MCCC1: variants seen among roughly 807,000 people sequenced by gnomAD.
The protein encoded by MCCC1 is methylcrotonyl-CoA carboxylase subunit 1.
Under a neutral mutation model 83.8 loss-of-function variants are expected in MCCC1, and 64 were observed. The observed-to-expected ratio is 0.76, with a 90% CI of 0.62 to 0.94. The LOEUF (loss-of-function observed/expected upper bound fraction) is 0.94, where lower values mean the gene tolerates loss of function less well. MCCC1 is among the 40% of genes least tolerant of loss of function. The pLI is 0.00. For missense variants in MCCC1, 807 were observed against 904.7 expected (o/e 0.89, Z 1.39); for synonymous variants, 322 against 315.4 (o/e 1.02, Z -0.22).
intron 7 of MCCC1, among the ~76,000 whole-genome samples, chr3:183,067,533 A>G (rs1489856003): frequency 1.3e-5 from 2 of 152,238 alleles, no homozygotes; most frequent in Non-Finnish European, 2.9e-5. Flanking sequence ...TTATGTTTCA[A>G]GAACTATGGC....
rs1290250309 is a variant in MCCC1, at chr3:183,084,349, G to GCC, written c.369+2343_369+2344insGG. Among the ~76,000 whole-genome samples the GCC allele has an allele frequency of 5.6e-4, 85 of 152,202 alleles. No individual in the cohort carries two copies. The East Asian group carries it at 0.014, about 26-fold the overall frequency. ...ATAAGATGAAGGTAATACTACCATG[G>GCC]CATTTATGCTTAAATACATGATAAA... On this transcript the variant is annotated intron_variant, in intron 4 of 18. Coordinates refer to ENST00000265594, the MANE Select transcript of MCCC1 (RefSeq NM_020166.5).
At chr3:183,101,629 A>C (rs942392932), upstream of MCCC1, among the ~76,000 whole-genome samples, 1 of 152,214 alleles carries the variant, frequency 6.6e-6, no homozygotes, top group Non-Finnish European at 1.5e-5. Context: ...GGGCTCTACC[A>C]ATCAGCAGGA....
intron 8 of MCCC1, among the ~76,000 whole-genome samples, chr3:183,054,204 TG>T (rs1162599800): frequency 6.9e-6 from 1 of 145,898 alleles, no homozygotes; most frequent in Non-Finnish European, 1.5e-5. Flanking sequence ...TTTTTTTTTT[TG>T]AGAGGAGTCT....
At chr3:183,037,501 C>A in intron 12 of MCCC1, 67 bp from the exon 13 acceptor site, 1 of 1,256,050 alleles carries the variant, frequency 8.0e-7, no homozygotes. Context: ...AAACCATCTG[C>A]TCTTTTTATC....
chr3:183,064,385 T>G lies in MCCC1; in HGVS notation c.761+6614A>C, dbSNP rs1370298925. ...GTAGACATCGACAAGTAGGAAAATT[T>G]GCGAGGTCCGAGAGGGACTGCAGGA... On this transcript the variant is annotated intron_variant, in intron 7 of 18. Transcript: ENST00000265594. The surrounding 1 kb of genome is among the most constrained non-coding windows in gnomAD (Gnocchi z 4.5). Among the ~76,000 whole-genome samples, 3 of 152,150 alleles carry G rather than the reference T, an allele frequency of 2.0e-5. No homozygotes were observed. The highest frequency in any genetic ancestry group is 1.3e-4 in the Admixed American group (2 of 15,282).
At chr3:183,080,928 T>TA (rs1717444101) in intron 4 of MCCC1, among the ~76,000 whole-genome samples, 1 of 152,136 alleles carries the variant, frequency 6.6e-6, no homozygotes, top group Admixed American at 6.5e-5. Context: ...AACAGCACAG[T>TA]AAAGACCCAT....
intron 14 of MCCC1, among the ~76,000 whole-genome samples, chr3:183,030,247 G>C: frequency 6.6e-6 from 1 of 152,158 alleles, no homozygotes; most frequent in East Asian, 1.9e-4. Context: ...GGCAGAAGTT[G>C]CAGTGAGCCG....
intron 1 of MCCC1, among the ~76,000 whole-genome samples, chr3:183,111,360 C>T (rs748645451): frequency 3.3e-5 from 5 of 151,980 alleles, no homozygotes; most frequent in Admixed American, 6.6e-5. Context: ...AATGCAGTGG[C>T]GCAATCTCAG....
intron 1 of MCCC1, 182 bp downstream of exon 1, chr3:183,099,170 T>C (rs1192360539): frequency 3.0e-6 from 2 of 663,070 alleles, no homozygotes; most frequent in African/African-American, 3.5e-5. Context: ...AGGGAAGGGC[T>C]GGTGGGGATG....
At chr3:183,113,689 G>C (rs1719538860) in intron 1 of MCCC1, among the ~76,000 whole-genome samples, 1 of 151,476 alleles carries the variant, frequency 6.6e-6, no homozygotes, top group Admixed American at 6.6e-5. Flanking sequence ...GGTGACAGAA[G>C]ATGACTCTGT....
At chr3:183,081,975 G>A (rs1449522431) in intron 4 of MCCC1, among the ~76,000 whole-genome samples, 1 of 152,202 alleles carries the variant, frequency 6.6e-6, no homozygotes, top group Non-Finnish European at 1.5e-5. Flanking sequence ...CATGGGAGTG[G>A]CAGGAACCAC....
At chr3:183,019,879 T>C (rs1712003960) in intron 17 of MCCC1, among the ~76,000 whole-genome samples, 1 of 152,238 alleles carries the variant, frequency 6.6e-6, no homozygotes, top group Admixed American at 6.5e-5. Context: ...AAAGACAATT[T>C]AGATTATTTG....
At chr3:183,024,868 A>G (rs1712455563) in intron 15 of MCCC1, among the ~76,000 whole-genome samples, 1 of 152,166 alleles carries the variant, frequency 6.6e-6, no homozygotes, top group Non-Finnish European at 1.5e-5. Context: ...TATTCACAAT[A>G]GCCAAAAGCT....
At position 183,018,635 on chromosome 3, in the gene MCCC1, T is replaced by C. The variant is rs1178628025; in HGVS notation, c.1978-1298A>G. Among the ~76,000 whole-genome samples, 4 of 152,122 alleles carry C rather than the reference T, an allele frequency of 2.6e-5. No individual in the cohort carries two copies. The East Asian group carries it at 5.8e-4, about 22-fold the overall frequency. On this transcript the variant is annotated intron_variant, in intron 17 of 18. Transcript: ENST00000265594. Reference sequence around the variant, plus strand: ...CTTAGTTTTACTTGAATCACATGAATATACTCCATGTATTTTGAAATCCTT... The same window carrying C: ...CTTAGTTTTACTTGAATCACATGAACATACTCCATGTATTTTGAAATCCTT...
chr3:183,062,594 A>C lies in MCCC1; in HGVS notation c.762-5172T>G, dbSNP rs550804797. The stretch of plus-strand genomic sequence containing the variant: ...GGTCTCGAACTCCTGAGCTCAGGCA[A>C]TCTGCCCGCCATGGCCTCCCAAAGT... On this transcript the variant is annotated intron_variant, in intron 7 of 18. Coordinates refer to ENST00000265594, the MANE Select transcript of MCCC1 (RefSeq NM_020166.5). Among the ~76,000 whole-genome samples the C allele has an allele frequency of 2.0e-5, 3 of 152,202 alleles. No homozygotes were observed. The East Asian group carries it at 5.8e-4, about 29-fold the overall frequency.
chr3:183,054,989 C>T (rs2108502033), intron 8 of MCCC1, among the ~76,000 whole-genome samples: 1 of 152,290 alleles, frequency 6.6e-6, no homozygotes, highest in South Asian at 2.1e-4. Flanking sequence ...GGTTTAAGTA[C>T]ACTCTATGAT....
chr3:183,018,538 T>G (rs575411150), intron 17 of MCCC1, among the ~76,000 whole-genome samples: 1 of 152,228 alleles, frequency 6.6e-6, no homozygotes, highest in African/African-American at 2.4e-5. Context: ...GCCCTACAGG[T>G]CAATCTGGCA....
intron 1 of MCCC1, among the ~76,000 whole-genome samples, chr3:183,098,179 T>G (rs965777556): frequency 1.1e-4 from 17 of 152,234 alleles, no homozygotes; most frequent in African/African-American, 3.9e-4. Flanking sequence ...TCTGCCCGCC[T>G]CGGCGTCCCA....
chr3:183,106,666 T>A (rs960873618), intron 1 of MCCC1, among the ~76,000 whole-genome samples: 2 of 151,968 alleles, frequency 1.3e-5, no homozygotes, highest in African/African-American at 4.8e-5. Flanking sequence ...CAGGCTAATT[T>A]TTGTATTTTT....
Sources: gnomAD v4.1 joint callset for allele counts (sites outside exome capture counted in the v4.1 genomes callset) on GRCh38, gnomAD v4.1.1 for gene constraint, Gnocchi (gnomAD v3.1) non-coding constraint, MANE v1.5 for transcripts, NCBI Gene and HGNC (gene_info 2026-07-23, HGNC 2026-07-21) for gene names.